COL19A1: variants seen among roughly 807,000 people sequenced by gnomAD.
COL19A1 encodes the protein collagen type XIX alpha 1 chain.
A neutral mutation model predicts 190.2 loss-of-function variants in COL19A1; 159 were observed. The ratio of observed to expected loss-of-function variants is 0.84; its 90% CI spans 0.73 to 0.95. The LOEUF is 0.95. Ranked by LOEUF, COL19A1 falls within the 40% of genes least tolerant of loss-of-function variation. COL19A1 has a pLI of 0.00. For missense variants in COL19A1, 1,418 were observed against 1,431.9 expected (o/e 0.99, Z 0.16); for synonymous variants, 509 against 458.9 (o/e 1.11, Z -1.39).
At chr6:70,051,648 A>G (rs1780208002) in intron 14 of COL19A1, among the ~76,000 whole-genome samples, 2 of 152,192 alleles carry the variant, frequency 1.3e-5, no homozygotes, top group Admixed American at 1.3e-4. Flanking sequence ...TTTAAAAGAT[A>G]GCCCAGAACA....
intron 10 of COL19A1, among the ~76,000 whole-genome samples, chr6:69,962,137 T>A (rs1299330999): frequency 6.6e-6 from 1 of 152,202 alleles, no homozygotes; most frequent in Non-Finnish European, 1.5e-5. Context: ...TCAACTTTTG[T>A]TGAGTGTATG....
chr6:69,954,654 G>A (rs1562031221), intron 9 of COL19A1, among the ~76,000 whole-genome samples: 2 of 151,908 alleles, frequency 1.3e-5, no homozygotes, highest in East Asian at 1.9e-4. Context: ...ATTTTCTCTT[G>A]GAGAAAGTAT....
intron 11 of COL19A1, among the ~76,000 whole-genome samples, chr6:69,997,024 T>G (rs988416316): frequency 9.7e-5 from 14 of 143,860 alleles, no homozygotes; most frequent in East Asian, 4.0e-4. Flanking sequence ...CATATATATA[T>G]ATAGAGAGAG....
At chr6:70,001,793 T>C (rs1777279386) in intron 11 of COL19A1, among the ~76,000 whole-genome samples, 1 of 152,192 alleles carries the variant, frequency 6.6e-6, no homozygotes, top group Non-Finnish European at 1.5e-5. Context: ...TTTCTAAATA[T>C]GAAATCATGT....
At chr6:69,970,974 C>T (rs1210773449) in intron 11 of COL19A1, among the ~76,000 whole-genome samples, 1 of 151,992 alleles carries the variant, frequency 6.6e-6, no homozygotes, top group Non-Finnish European at 1.5e-5. Flanking sequence ...GATGGTAATC[C>T]CACAGCCAAG....
intron 1 of COL19A1, among the ~76,000 whole-genome samples, chr6:69,872,074 C>T (rs1172186639): frequency 6.6e-6 from 1 of 152,136 alleles, no homozygotes; most frequent in Non-Finnish European, 1.5e-5. Context: ...GCCTTGGCCT[C>T]CCAAAGTGCT....
chr6:69,908,794 CAT>C (rs1770718330), intron 4 of COL19A1, among the ~76,000 whole-genome samples: 2 of 152,068 alleles, frequency 1.3e-5, no homozygotes, highest in East Asian at 3.8e-4. Context: ...AGTAATTAAT[CAT>C]ATGTGTATAA....
At chr6:70,194,686 GAGA>G (rs141948886) in intron 48 of COL19A1, among the ~76,000 whole-genome samples, 1 of 152,250 alleles carries the variant, frequency 6.6e-6, no homozygotes, top group Non-Finnish European at 1.5e-5. Flanking sequence ...TGCCAGATCT[GAGA>G]AGTTTAATTC....
At chr6:69,887,982 C>T (rs189719972) in intron 2 of COL19A1, among the ~76,000 whole-genome samples, 2 of 152,264 alleles carry the variant, frequency 1.3e-5, no homozygotes, top group African/African-American at 2.4e-5. Flanking sequence ...TCTCATTCCT[C>T]CCTCTAAAGA....
chr6:70,151,273 C>G (rs1243620221), intron 30 of COL19A1, 124 bp from the exon 31 acceptor site: 13 of 846,200 alleles, frequency 1.5e-5, no homozygotes, highest in Non-Finnish European at 2.0e-5. Flanking sequence ...GCCAGTGATT[C>G]TAAAGTGAGA....
chr6:70,188,325 C>A, intron 47 of COL19A1, 80 bp downstream of exon 47: 1 of 1,439,744 alleles, frequency 6.9e-7, no homozygotes. Flanking sequence ...AATGATACTG[C>A]CTTTCAAATA....
intron 15 of COL19A1, among the ~76,000 whole-genome samples, chr6:70,071,555 A>G (rs1451310426): frequency 6.6e-6 from 1 of 152,074 alleles, no homozygotes; most frequent in African/African-American, 2.4e-5. Context: ...TGGATCTTTT[A>G]TATGCCATTA....
intron 14 of COL19A1, among the ~76,000 whole-genome samples, chr6:70,063,769 A>T (rs181802594): frequency 8.1e-4 from 123 of 152,320 alleles, no homozygotes; most frequent in Admixed American, 2.0e-3. Context: ...AATCAAATAG[A>T]TGCAATAAAA....
chr6:70,145,809 C>T (rs1786598798), intron 25 of COL19A1, among the ~76,000 whole-genome samples: 3 of 150,368 alleles, frequency 2.0e-5, no homozygotes, highest in Non-Finnish European at 3.0e-5. Flanking sequence ...CAGCCTCCAC[C>T]TCCGGGATTC....
intron 44 of COL19A1, among the ~76,000 whole-genome samples, chr6:70,183,066 G>A (rs1273671673): frequency 6.6e-6 from 1 of 152,170 alleles, no homozygotes; most frequent in Non-Finnish European, 1.5e-5. Context: ...TGATGCTGAA[G>A]TTTGGAAGAG....
At chr6:70,059,920 TGAA>T (rs1582806493) in intron 14 of COL19A1, 1 of 333,308 alleles carries the variant, frequency 3.0e-6, no homozygotes, top group South Asian at 2.5e-5. Flanking sequence ...CAAATTAAAT[TGAA>T]GAAGAAAAAA....
intron 4 of COL19A1, among the ~76,000 whole-genome samples, chr6:69,924,795 G>A (rs943238599): frequency 2.0e-5 from 3 of 152,110 alleles, no homozygotes; most frequent in African/African-American, 4.8e-5. Flanking sequence ...GTGTGAGATG[G>A]TATCTCATTG....
At chr6:69,963,573 T>C (rs1321367096) in intron 11 of COL19A1, among the ~76,000 whole-genome samples, 3 of 152,094 alleles carry the variant, frequency 2.0e-5, no homozygotes, top group African/African-American at 7.2e-5. Flanking sequence ...CCTCTAGCCC[T>C]CAGCTCTCCT....
At chr6:70,163,459 T>A (rs950624524) in intron 36 of COL19A1, 63 bp downstream of exon 36, 2 of 1,463,458 alleles carry the variant, frequency 1.4e-6, no homozygotes, top group Non-Finnish European at 9.4e-7. Flanking sequence ...AGGATGAGAC[T>A]CTTCACAGAG....
Sources: allele counts gnomAD v4.1 joint callset (sites outside exome capture counted in the v4.1 genomes callset), GRCh38; gene constraint gnomAD v4.1.1; transcripts MANE v1.5; gene names NCBI Gene and HGNC (gene_info 2026-07-23, HGNC 2026-07-21).